Variants in HPCAL1 observed in about 807,000 individuals in gnomAD.
The protein encoded by HPCAL1 is hippocalcin-like protein 1.
In HPCAL1, 8 loss-of-function variants were observed where a neutral mutation model predicts 17.1. The ratio of observed to expected loss-of-function variants is 0.47; its 90% CI spans 0.27 to 0.84. The LOEUF (loss-of-function observed/expected upper bound fraction) is 0.84. Ranked by LOEUF, HPCAL1 falls within the 40% of genes least tolerant of loss-of-function variation. The pLI is 0.13. For missense variants in HPCAL1, 165 were observed against 271.1 expected (o/e 0.61, Z 2.75); for synonymous variants, 112 against 111.4 (o/e 1.01, Z -0.03).
chr2:10,388,167 C>A (rs1439678207), intron 1 of HPCAL1, among the ~76,000 whole-genome samples: 1 of 152,174 alleles, frequency 6.6e-6, no homozygotes, highest in African/African-American at 2.4e-5. Flanking sequence ...AGGAGGCTCC[C>A]CAAATAGAAA....
At chr2:10,313,219 C>T (rs983913937) in intron 1 of HPCAL1, among the ~76,000 whole-genome samples, 2 of 152,208 alleles carry the variant, frequency 1.3e-5, no homozygotes, top group Non-Finnish European at 1.5e-5. Context: ...CTCTGTGGAG[C>T]TCTCCTTTGT....
At chr2:10,307,700 TTGTC>T (rs1662711116) in intron 1 of HPCAL1, among the ~76,000 whole-genome samples, 1 of 152,210 alleles carries the variant, frequency 6.6e-6, no homozygotes, top group South Asian at 2.1e-4. Flanking sequence ...TTGGAGCTCT[TTGTC>T]TGTCTTCACT....
At chr2:10,372,430 C>T (rs1402138923) in intron 1 of HPCAL1, among the ~76,000 whole-genome samples, 1 of 152,162 alleles carries the variant, frequency 6.6e-6, no homozygotes, top group Admixed American at 6.5e-5. Flanking sequence ...GGCATAATCC[C>T]CCCCCAGGAG....
intron 1 of HPCAL1, among the ~76,000 whole-genome samples, chr2:10,386,839 C>T (rs1268780943): frequency 3.9e-5 from 6 of 152,202 alleles, no homozygotes; most frequent in African/African-American, 7.2e-5. Flanking sequence ...CCCTCTGCAC[C>T]GCCTTGCACG....
At chr2:10,396,364 G>C (rs1448680527) in intron 1 of HPCAL1, among the ~76,000 whole-genome samples, 2 of 152,214 alleles carry the variant, frequency 1.3e-5, no homozygotes, top group African/African-American at 4.8e-5. Flanking sequence ...CACAGTCGTG[G>C]GTGGCAGGCC....
chr2:10,412,383 G>T lies in HPCAL1; in HGVS notation c.-24-7351G>T, dbSNP rs116621961. 4.0e-3 allele frequency among the ~76,000 whole-genome samples: 609 copies of T among 152,352 alleles called. 7 individuals carry two copies. The highest frequency in any genetic ancestry group is 0.014 in the African/African-American group (587 of 41,582). On this transcript the variant is annotated intron_variant, in intron 2 of 4. Transcript: ENST00000307845. ...ATTGACTGCAGGCTGTGGTTCAGAT[G>T]AGAAAGCCTGGTTGAGAAATGCTTT...
intron 1 of HPCAL1, among the ~76,000 whole-genome samples, chr2:10,368,445 TC>T: frequency 6.6e-6 from 1 of 152,274 alleles, no homozygotes; most frequent in East Asian, 1.9e-4. Context: ...GCAGGGTGGT[TC>T]CCACCTCTCT....
At position 10,377,426 on chromosome 2, in the gene HPCAL1, A is replaced by G. The variant is rs7559838; in HGVS notation, c.-110-19409A>G. On this transcript the variant is annotated intron_variant, in intron 1 of 4. Transcript: ENST00000307845. This position sits in a 1 kb window ranked among gnomAD's most constrained non-coding sequence, Gnocchi z 5.9. ...GCTGCTCAACTCTGTGGACACCAGTACAGTCAACAACTCTCACTCGCCGCG... is the reference window on the plus strand; with the variant it reads ...GCTGCTCAACTCTGTGGACACCAGTGCAGTCAACAACTCTCACTCGCCGCG... Among the ~76,000 whole-genome samples, 94,715 of 152,150 alleles carry G rather than the reference A, an allele frequency of 0.62. 30,993 individuals are homozygous for G. The highest frequency in any genetic ancestry group is 0.8 in the East Asian group (4,142 of 5,156).
At chr2:10,387,906 T>C (rs1007787891) in intron 1 of HPCAL1, among the ~76,000 whole-genome samples, 15 of 152,206 alleles carry the variant, frequency 9.9e-5, no homozygotes, top group African/African-American at 3.4e-4. Context: ...TTTTCTCCTT[T>C]GCAGTTGAAC....
At position 10,304,226 on chromosome 2, in the gene HPCAL1, C is replaced by T. The variant is rs1459855426; in HGVS notation, c.-111+1049C>T. 6.6e-6 allele frequency among the ~76,000 whole-genome samples: 1 copy of T among 151,982 alleles called. No individual in the cohort carries two copies. The highest frequency in any genetic ancestry group is 1.5e-5 in the Non-Finnish European group (1 of 67,952). On this transcript the variant is annotated intron_variant, in intron 1 of 4. Transcript: ENST00000307845. The surrounding 1 kb of genome is among the most constrained non-coding windows in gnomAD (Gnocchi z 4.1). ...CCCGCGCAAGCGTGGGGGTCCCTCT[C>T]CTGGCCGGGAGGCAGCGACTGCGGA...
rs529927604 is a variant in HPCAL1 at position 10,393,083 on chromosome 2, C to A, written c.-110-3752C>A. ...AGGTCTGTATGAATCACCCAGGCCT[C>A]TGCATTTTGCTTTTCTAGAGGAAGA... is the stretch of plus-strand genomic sequence containing the variant. On this transcript the variant is annotated intron_variant, in intron 1 of 4. Transcript: ENST00000307845. Among the ~76,000 whole-genome samples the A allele has an allele frequency of 9.8e-5, 15 of 152,352 alleles. No individual in the cohort carries two copies. In the South Asian group the frequency reaches 3.1e-3, roughly 32 times the overall value.
At chr2:10,355,861 T>G (rs1292584839) in intron 1 of HPCAL1, among the ~76,000 whole-genome samples, 1 of 151,782 alleles carries the variant, frequency 6.6e-6, no homozygotes, top group Non-Finnish European at 1.5e-5. Flanking sequence ...GCTATGAGGG[T>G]CTCAGAAACT....
chr2:10,399,418 CCACCATCACCACCACCACCACCAT>C (rs1558518256), intron 2 of HPCAL1, among the ~76,000 whole-genome samples: 4 of 39,334 alleles, frequency 1.0e-4, no homozygotes, highest in Admixed American at 3.7e-4. Flanking sequence ...ACCACCACCA[CCACCATCACCACCACCACCACCAT>C]CACCATCACC....
rs916265413 is a variant in HPCAL1, at chr2:10,342,626, C to T, written c.-111+39449C>T. 2.6e-5 allele frequency among the ~76,000 whole-genome samples: 4 copies of T among 152,208 alleles called. No individual in the cohort carries two copies. The highest frequency in any genetic ancestry group is 2.6e-4 in the Admixed American group (4 of 15,280). ...TTCCAGGCCTAGGGAACAGCATGTG[C>T]AGAGGTGCTGGCTGGAGGAACCCCG... On this transcript the variant is annotated intron_variant, in intron 1 of 4. Coordinates refer to ENST00000307845, the MANE Select transcript of HPCAL1 (RefSeq NM_002149.4). The surrounding 1 kb of genome is among the most constrained non-coding windows in gnomAD (Gnocchi z 4.1).
At chr2:10,389,170 C>T (rs909897277) in intron 1 of HPCAL1, among the ~76,000 whole-genome samples, 16 of 152,136 alleles carry the variant, frequency 1.1e-4, no homozygotes, top group Middle Eastern at 3.2e-3. Context: ...GGCTCCTTTC[C>T]GTGGCAATCA....
In HPCAL1 at chr2:10,304,160, A is replaced by G. The variant is rs985302463; in HGVS notation, c.-111+983A>G. ...GGCGCCGCCTCCGCGAGTGCCCGAGAGCGCCGCGCTGGGCGCCGGCCCTGC... is the reference window on the plus strand; with the variant it reads ...GGCGCCGCCTCCGCGAGTGCCCGAGGGCGCCGCGCTGGGCGCCGGCCCTGC... On this transcript the variant is annotated intron_variant, in intron 1 of 4. Coordinates refer to ENST00000307845, the MANE Select transcript of HPCAL1 (RefSeq NM_002149.4). The surrounding 1 kb of genome is among the most constrained non-coding windows in gnomAD (Gnocchi z 4.1). Among the ~76,000 whole-genome samples the G allele has an allele frequency of 2.0e-5, 3 of 152,130 alleles. No individual in the cohort carries two copies. Among genetic ancestry groups the G allele is most frequent in the Admixed American group, 1.3e-4 (2 of 15,284 alleles).
At position 10,404,509 on chromosome 2, in the gene HPCAL1, C is replaced by G. The variant is rs1490886999; in HGVS notation, c.-25+7589C>G. Among the ~76,000 whole-genome samples, 3 of 152,340 alleles carry G rather than the reference C, an allele frequency of 2.0e-5. No individual in the cohort carries two copies. In the East Asian group the frequency reaches 5.8e-4, roughly 29 times the overall value. ...GCAGGATGCTGCGTTTCCTTTTAAA[C>G]AGACCCAAAGCAGTCAGCAGCCACA... On this transcript the variant is annotated intron_variant, in intron 2 of 4. Coordinates refer to ENST00000307845, the MANE Select transcript of HPCAL1 (RefSeq NM_002149.4).
At chr2:10,399,402 A>G (rs1234279855) in intron 2 of HPCAL1, among the ~76,000 whole-genome samples, 1 of 87,980 alleles carries the variant, frequency 1.1e-5, no homozygotes, top group Non-Finnish European at 2.4e-5. Context: ...CACCATCACC[A>G]CCACCACCAC....
intron 2 of HPCAL1, among the ~76,000 whole-genome samples, chr2:10,414,393 G>T (rs540107254): frequency 6.6e-6 from 1 of 152,282 alleles, no homozygotes; most frequent in East Asian, 1.9e-4. Flanking sequence ...GTGTTGGCAG[G>T]GTTGGGTGTT....
Sources: gnomAD v4.1 joint callset for allele counts (sites outside exome capture counted in the v4.1 genomes callset) on GRCh38, gnomAD v4.1.1 for gene constraint, Gnocchi (gnomAD v3.1) non-coding constraint, MANE v1.5 for transcripts, NCBI Gene and HGNC (gene_info 2026-07-23, HGNC 2026-07-21) for gene names.